The following WDR37 variants were observed in gnomAD, a reference collection of about 807,000 sequenced individuals.
WDR37 encodes the protein WD repeat-containing protein 37.
A neutral mutation model predicts 62.9 loss-of-function variants in WDR37; 19 were observed. The observed-to-expected ratio is 0.30, with a 90% confidence interval of 0.21 to 0.44. WDR37 has a LOEUF of 0.44. Among genes scored for constraint, WDR37 ranks in the 20% least tolerant of loss-of-function variants. WDR37 has a pLI of 1.00. For synonymous variants in WDR37, 250 were observed against 260.9 expected, an observed-to-expected ratio of 0.96 and a Z score of 0.40; for missense variants, 474 against 657.6, an observed-to-expected ratio of 0.72 and a Z score of 3.05.
intron 11 of WDR37, among the ~76,000 whole-genome samples, chr10:1,115,918 G>A (rs1372067786): frequency 6.6e-6 from 1 of 152,192 alleles, no homozygotes; most frequent in East Asian, 1.9e-4. Context: ...AAGCACACCT[G>A]TGTCTCCTCT....
intron 13 of WDR37, among the ~76,000 whole-genome samples, chr10:1,127,796 G>A (rs961789718): frequency 2.0e-5 from 3 of 152,082 alleles, no homozygotes; most frequent in East Asian, 3.9e-4. Flanking sequence ...AGCACATCAC[G>A]TGCACTGGGG....
chr10:1,069,246 C>T (rs1057051534), intron 1 of WDR37, among the ~76,000 whole-genome samples: 1 of 151,324 alleles, frequency 6.6e-6, no homozygotes, highest in Non-Finnish European at 1.5e-5. Context: ...TACATTTACC[C>T]TGTGACTGAG....
At chr10:1,092,153 C>T (rs1474633536) in intron 7 of WDR37, among the ~76,000 whole-genome samples, 11 of 142,686 alleles carry the variant, frequency 7.7e-5, no homozygotes, top group Non-Finnish European at 1.1e-4. Flanking sequence ...GCACTCCAAC[C>T]TGGGAGACAC....
intron 11 of WDR37, among the ~76,000 whole-genome samples, chr10:1,110,299 C>T (rs1482517277): frequency 6.6e-6 from 1 of 152,182 alleles, no homozygotes; most frequent in African/African-American, 2.4e-5. Context: ...AACACAAACT[C>T]TTCCTTCCTG....
chr10:1,062,242 G>A (rs774228986), intron 1 of WDR37, among the ~76,000 whole-genome samples: 2 of 152,212 alleles, frequency 1.3e-5, no homozygotes, highest in African/African-American at 2.4e-5. Flanking sequence ...GATTGCCGGC[G>A]GTATTGACTA....
intron 11 of WDR37, among the ~76,000 whole-genome samples, chr10:1,115,206 C>A (rs1835351881): frequency 6.6e-6 from 1 of 152,208 alleles, no homozygotes; most frequent in African/African-American, 2.4e-5. Flanking sequence ...ATCATCTCAA[C>A]ATGGATGCAA....
rs1033918780 is a variant in WDR37, at chr10:1,075,252, C to T, written c.139-2655C>T. Among the ~76,000 whole-genome samples the T allele has an allele frequency of 2.7e-5, 4 of 148,766 alleles. No individual in the cohort carries two copies. The South Asian group carries it at 6.4e-4, about 24-fold the overall frequency. On this transcript the variant is annotated intron_variant, in intron 2 of 13. Transcript: ENST00000263150. ...AGTGAGGTTAATGCTGACTTCTCAG[C>T]TTTCTTTTCCATAGCAATTCCTTTT...
chr10:1,127,416 T>G (rs1358054233), intron 13 of WDR37, among the ~76,000 whole-genome samples: 1 of 152,248 alleles, frequency 6.6e-6, no homozygotes, highest in African/African-American at 2.4e-5. Flanking sequence ...CCTCTTCAGA[T>G]AAATAAATGT....
At chr10:1,116,065 C>T (rs1475490898) in intron 11 of WDR37, among the ~76,000 whole-genome samples, 2 of 152,184 alleles carry the variant, frequency 1.3e-5, no homozygotes, top group African/African-American at 2.4e-5. Flanking sequence ...ATGTACTCCA[C>T]TCAGGTGAGG....
chr10:1,125,349 G>A (rs766419825), intron 13 of WDR37, among the ~76,000 whole-genome samples: 1 of 151,910 alleles, frequency 6.6e-6, no homozygotes, highest in African/African-American at 2.4e-5. Context: ...TCAATCTCCC[G>A]AGTAGCTGAG....
At chr10:1,108,123 C>T (rs1835081870) in intron 11 of WDR37, among the ~76,000 whole-genome samples, 1 of 152,240 alleles carries the variant, frequency 6.6e-6, no homozygotes, top group Non-Finnish European at 1.5e-5. Flanking sequence ...TAATACAGTA[C>T]CATTGTTCAA....
At chr10:1,101,848 T>G (rs1282619979) in intron 9 of WDR37, among the ~76,000 whole-genome samples, 1 of 152,212 alleles carries the variant, frequency 6.6e-6, no homozygotes, top group Non-Finnish European at 1.5e-5. Context: ...AGTAATTCTG[T>G]GTGAAATAGC....
chr10:1,067,938 A>G (rs1833603096), intron 1 of WDR37, among the ~76,000 whole-genome samples: 1 of 152,216 alleles, frequency 6.6e-6, no homozygotes, highest in Non-Finnish European at 1.5e-5. Flanking sequence ...GGATGGAACC[A>G]GAGGCCATTA....
intron 9 of WDR37, among the ~76,000 whole-genome samples, chr10:1,101,661 A>G (rs1834807208): frequency 6.6e-6 from 1 of 152,154 alleles, no homozygotes; most frequent in Non-Finnish European, 1.5e-5. Context: ...CATCACACGG[A>G]ATAAAACCTG....
intron 11 of WDR37, among the ~76,000 whole-genome samples, chr10:1,117,422 T>C (rs757140382): frequency 6.6e-6 from 1 of 152,202 alleles, no homozygotes; most frequent in Non-Finnish European, 1.5e-5. Flanking sequence ...GGAGATTTAG[T>C]GTATCTCTGT....
At chr10:1,083,769 C>T (rs1834103907) in intron 5 of WDR37, among the ~76,000 whole-genome samples, 1 of 152,204 alleles carries the variant, frequency 6.6e-6, no homozygotes, top group African/African-American at 2.4e-5. Flanking sequence ...CTGAGCATGT[C>T]CAAAAGGCCA....
chr10:1,087,094 CTT>C (rs1834225989), intron 7 of WDR37, among the ~76,000 whole-genome samples: 1 of 152,214 alleles, frequency 6.6e-6, no homozygotes, highest in Admixed American at 6.5e-5. Flanking sequence ...GCTGTGGAGC[CTT>C]CCCCTCCCCT....
intron 11 of WDR37, among the ~76,000 whole-genome samples, chr10:1,110,740 T>A (rs1449250530): frequency 1.3e-5 from 2 of 152,254 alleles, no homozygotes; most frequent in African/African-American, 2.4e-5. Flanking sequence ...CATGTCATTC[T>A]GAGGGACCCT....
At chr10:1,086,073 C>G (rs187112665) in intron 6 of WDR37, among the ~76,000 whole-genome samples, 3 of 152,248 alleles carry the variant, frequency 2.0e-5, no homozygotes, top group Non-Finnish European at 4.4e-5. Context: ...TGTCCGTTAG[C>G]TGACTTCATG....
Sources: gnomAD v4.1 joint callset for allele counts (sites outside exome capture counted in the v4.1 genomes callset) on GRCh38, gnomAD v4.1.1 for gene constraint, MANE v1.5 for transcripts, NCBI Gene and HGNC (gene_info 2026-07-23, HGNC 2026-07-21) for gene names.